The following G6PC1 variants were observed in gnomAD, a reference collection of about 807,000 sequenced individuals.
G6PC1 encodes the protein glucose-6-phosphatase catalytic subunit 1.
G6PC1 carries 23 observed loss-of-function variants against 30.4 expected under a neutral mutation model. That is an observed-to-expected ratio of 0.76 (90% CI 0.55 to 1.07). The LOEUF (loss-of-function observed/expected upper bound fraction) is 1.07. Among genes scored for constraint, G6PC1 ranks in the 50% least tolerant of loss-of-function variants. G6PC1 has a pLI of 0.00. For synonymous variants in G6PC1, 163 were observed against 175.6 expected (o/e 0.93, Z 0.57); for missense variants, 391 against 433.9 (o/e 0.90, Z 0.88).
At position 42,907,689 on chromosome 17, in the gene G6PC1, G is replaced by A; in HGVS notation, c.446+61G>A. ...GCAGGAGGCAGCTCTCTCTGTAGCT[G>A]ACACACCACGTATTCTTCCTCACAT... On this transcript the variant is annotated intron_variant, in intron 3 of 4. Coordinates refer to ENST00000253801, the MANE Select transcript of G6PC1 (RefSeq NM_000151.4). The A allele has an allele frequency of 6.2e-6, 7 of 1,135,650 alleles. No homozygotes were observed. In the Admixed American group the frequency reaches 1.1e-4, roughly 17 times the overall value. 70.3% of individuals were successfully genotyped at this position (1,135,650 alleles called of 1,614,324 possible). A position where few individuals can be genotyped will look rare whatever the true frequency, so the allele number is the denominator to read the frequency against.
chr17:42,901,026 G>T lies in G6PC1; in HGVS notation c.150G>T (p.Trp50Cys). ...RNAFYVLFPI[W>C]FHLQEAVGIK... Reference sequence around the variant, plus strand: ...CCTTCTACGTCCTCTTCCCCATCTGGTTCCATCTTCAGGAAGCTGTGGGCA... The same window carrying T: ...CCTTCTACGTCCTCTTCCCCATCTGTTTCCATCTTCAGGAAGCTGTGGGCA... The change falls in exon 1 of 5, where the codon TGG (tryptophan) becomes TGT (cysteine). Residue 50 changes from tryptophan to cysteine, a missense_variant. By Grantham distance (215) the Trp-to-Cys change is radical (BLOSUM62 -2). Coordinates refer to ENST00000253801, the MANE Select transcript of G6PC1 (RefSeq NM_000151.4). 1 of 1,614,156 alleles carries T rather than the reference G, an allele frequency of 6.2e-7. No homozygotes were observed. The highest frequency in any genetic ancestry group is 8.5e-7 in the Non-Finnish European group (1 of 1,180,030).
chr17:42,908,557 C>A (rs528043901), intron 3 of G6PC1, among the ~76,000 whole-genome samples: 211 of 151,920 alleles, frequency 1.4e-3, no homozygotes, highest in Non-Finnish European at 2.1e-3. Context: ...CAGGCACGTG[C>A]CACCACACCT....
Position 42,912,662 on chromosome 17 carries a change from G to T in G6PC1, c.*1236G>T, listed in dbSNP as rs2056103561. 6.6e-6 allele frequency: 1 copy of T among 150,486 alleles called. No individual in the cohort carries two copies. The highest frequency in any genetic ancestry group is 2.1e-4 in the South Asian group (1 of 4,746). The allele number at this position is 150,486 out of a possible 1,614,324, so 9.3% of individuals were successfully genotyped here. ...TCTTTTTTTTTTTTTTTGAGACAGG[G>T]TCTCACTATGTTGCCCAGGCTGCTC... On this transcript the variant is annotated 3_prime_UTR_variant, in exon 5 of 5. Coordinates refer to ENST00000253801, the MANE Select transcript of G6PC1 (RefSeq NM_000151.4).
At chr17:42,904,733 A>G (rs1296313475) in intron 2 of G6PC1, among the ~76,000 whole-genome samples, 7 of 152,234 alleles carry the variant, frequency 4.6e-5, no homozygotes, top group Non-Finnish European at 1.5e-5. Context: ...TACCTCTGTC[A>G]GTGAACAACA....
chr17:42,902,052 C>T lies in G6PC1; in HGVS notation c.230+946C>T, dbSNP rs184570946. Among the ~76,000 whole-genome samples the T allele has an allele frequency of 3.2e-3, 483 of 152,230 alleles. 14 individuals carry two copies. In the South Asian group the frequency reaches 0.056, roughly 18 times the overall value. ...AAGGTGCTGAGTTAAATGATTAGGCCAACAAGGTTAGTACATGCCGAGCCA... is the reference window on the plus strand; with the variant it reads ...AAGGTGCTGAGTTAAATGATTAGGCTAACAAGGTTAGTACATGCCGAGCCA... On this transcript the variant is annotated intron_variant, in intron 1 of 4. Coordinates refer to ENST00000253801, the MANE Select transcript of G6PC1 (RefSeq NM_000151.4).
rs367949703 is a variant in G6PC1 at position 42,902,334 on chromosome 17, GC to G, written c.230+1230del. On this transcript the variant is annotated intron_variant, in intron 1 of 4. Coordinates refer to ENST00000253801, the MANE Select transcript of G6PC1 (RefSeq NM_000151.4). ...GCAATCTCAGCTCACTGCAACCTCT[GC>G]CTCTCCGGTTCAAGTGATTCTCCTG... 2.0e-3 allele frequency among the ~76,000 whole-genome samples: 308 copies of G among 152,130 alleles called. 13 individuals carry two copies. The South Asian group carries it at 0.056, about 28-fold the overall frequency.
chr17:42,910,151 T>C (rs529955175), intron 4 of G6PC1, among the ~76,000 whole-genome samples: 30 of 152,282 alleles, frequency 2.0e-4, no homozygotes, highest in Middle Eastern at 3.4e-3. Context: ...GCACCCTGCC[T>C]GAATATGTGT....
Position 42,911,470 on chromosome 17 carries a change from G to T in G6PC1, c.*44G>T, listed in dbSNP as rs1212238430. On this transcript the variant is annotated 3_prime_UTR_variant, in exon 5 of 5. Coordinates refer to ENST00000253801, the MANE Select transcript of G6PC1 (RefSeq NM_000151.4). ...TGTTTAAAGTCAACAACCATGCCAGGGATTGAGGAGGACTACTATTTGAAG... is the reference window on the plus strand; with the variant it reads ...TGTTTAAAGTCAACAACCATGCCAGTGATTGAGGAGGACTACTATTTGAAG... 4 of 1,612,912 alleles carry T rather than the reference G, an allele frequency of 2.5e-6. No homozygotes were observed. The highest frequency in any genetic ancestry group is 2.2e-5 in the South Asian group (2 of 90,930).
intron 4 of G6PC1, among the ~76,000 whole-genome samples, chr17:42,910,571 C>T (rs1440294350): frequency 6.6e-6 from 1 of 152,128 alleles, no homozygotes; most frequent in Non-Finnish European, 1.5e-5. Flanking sequence ...CAAGGAAGAA[C>T]TATTCAGCAA....
intron 3 of G6PC1, among the ~76,000 whole-genome samples, chr17:42,908,704 CTTT>C (rs751084537): frequency 1.7e-5 from 2 of 120,222 alleles, no homozygotes; most frequent in African/African-American, 3.4e-5. Flanking sequence ...CGCGCCTGGC[CTTT>C]TTTTTTTTTT....
At chr17:42,905,970 C>T (rs1322553743) in intron 2 of G6PC1, among the ~76,000 whole-genome samples, 3 of 151,162 alleles carry the variant, frequency 2.0e-5, no homozygotes, top group Admixed American at 2.0e-4. Context: ...CACTTCAACC[C>T]GGGAGGCAGA....
At position 42,911,078 on chromosome 17, in the gene G6PC1, G is replaced by A. The variant is rs9905900; in HGVS notation, c.726G>A (p.Gln242=). The A allele has an allele frequency of 2.8e-5, 45 of 1,613,440 alleles. 1 individual carries two copies. The South Asian group carries it at 4.5e-4, about 16-fold the overall frequency. The part of the protein sequence containing the change: ...VDLLWTLEKA[Q]RWCEQPEWVH... Reference sequence around the variant, plus strand: ...TCCTGTGGACTCTGGAGAAAGCCCAGAGGTGGTGCGAGCAGCCAGAATGGG... The same window carrying A: ...TCCTGTGGACTCTGGAGAAAGCCCAAAGGTGGTGCGAGCAGCCAGAATGGG... The change falls in exon 5 of 5, where the codon CAG becomes CAA. Residue 242 remains glutamine, a synonymous_variant. Coordinates refer to ENST00000253801, the MANE Select transcript of G6PC1 (RefSeq NM_000151.4).
At chr17:42,906,675 T>A (rs1466172274) in intron 2 of G6PC1, among the ~76,000 whole-genome samples, 1 of 151,948 alleles carries the variant, frequency 6.6e-6, no homozygotes, top group Admixed American at 6.6e-5. Flanking sequence ...GCCCAAGAGT[T>A]CAAAACCAGC....
intron 4 of G6PC1, 82 bp downstream of exon 4, chr17:42,909,500 C>T (rs1378493509): frequency 1.7e-5 from 17 of 976,010 alleles, no homozygotes; most frequent in South Asian, 3.8e-5. Context: ...TCCCAGCATT[C>T]CAGCCACATC....
At chr17:42,905,476 A>G (rs2056055377) in intron 2 of G6PC1, among the ~76,000 whole-genome samples, 1 of 145,156 alleles carries the variant, frequency 6.9e-6, no homozygotes. Context: ...ACACACACAC[A>G]TATAATACTA....
In G6PC1 at chr17:42,911,996, C is replaced by T. The variant is rs914545441; in HGVS notation, c.*570C>T. Reference sequence around the variant, plus strand: ...CAGCTCACAAGCCCAGGCTGGAGATCCTAACTGAGAATTTTCTACCTGTGT... The same window carrying T: ...CAGCTCACAAGCCCAGGCTGGAGATTCTAACTGAGAATTTTCTACCTGTGT... On this transcript the variant is annotated 3_prime_UTR_variant, in exon 5 of 5. Transcript: ENST00000253801. 4 of 156,894 alleles carry T rather than the reference C, an allele frequency of 2.5e-5. No individual in the cohort carries two copies. The highest frequency in any genetic ancestry group is 7.2e-5 in the African/African-American group (3 of 41,406). The allele number at this position is 156,894 out of a possible 1,614,324, so 9.7% of individuals were successfully genotyped here. A position where few individuals can be genotyped will look rare whatever the true frequency, so the allele number is the denominator to read the frequency against.
At chr17:42,904,504 C>T (rs1248861928) in intron 2 of G6PC1, among the ~76,000 whole-genome samples, 6 of 152,184 alleles carry the variant, frequency 3.9e-5, no homozygotes, top group African/African-American at 1.4e-4. Context: ...TAGGAAGCCC[C>T]TCCCTCACCC....
rs1341883609 is a variant in G6PC1 at position 42,913,953 on chromosome 17, G to A, written c.*2527G>A. ...GTATCAATGGATTTCCTGAGGGTAA[G>A]CTCCGCTATTTCACACCTGAACTCC... On this transcript the variant is annotated 3_prime_UTR_variant, in exon 5 of 5. Transcript: ENST00000253801. 6.6e-6 allele frequency among the ~76,000 whole-genome samples: 1 copy of A among 152,148 alleles called. No homozygotes were observed. Among genetic ancestry groups the A allele is most frequent in the Non-Finnish European group, 1.5e-5 (1 of 68,032 alleles).
chr17:42,911,214 C>T lies in G6PC1; in HGVS notation c.862C>T (p.Leu288Phe), dbSNP rs776048625. The T allele has an allele frequency of 3.1e-6, 5 of 1,614,204 alleles. No individual in the cohort carries two copies. Among genetic ancestry groups the T allele is most frequent in the Non-Finnish European group, 4.2e-6 (5 of 1,180,038 alleles). The change falls in exon 5 of 5, where the codon CTC becomes TTC. Residue 288 changes from leucine (L) to phenylalanine (F), a missense_variant. Coordinates refer to ENST00000253801, the MANE Select transcript of G6PC1 (RefSeq NM_000151.4). ...SMYRESCKGK[L>F]SKWLPFRLSS... ...GTACAGGGAGAGCTGCAAGGGGAAACTCAGCAAGTGGCTCCCATTCCGCCT... is the reference window on the plus strand; with the variant it reads ...GTACAGGGAGAGCTGCAAGGGGAAATTCAGCAAGTGGCTCCCATTCCGCCT...
Sources: gnomAD v4.1 joint callset for allele counts (sites outside exome capture counted in the v4.1 genomes callset) on GRCh38, gnomAD v4.1.1 for gene constraint, MANE v1.5 for transcripts, NCBI Gene and HGNC (gene_info 2026-07-23, HGNC 2026-07-21) for gene names.